Variants in ERG observed in about 807,000 individuals in gnomAD.
ERG encodes the protein transcriptional regulator ERG.
In ERG, 9 loss-of-function variants were observed where a neutral mutation model predicts 55.3. The ratio of observed to expected loss-of-function variants is 0.16; its 90% CI spans 0.10 to 0.28. The LOEUF is 0.28. ERG is among the 10% of genes least tolerant of loss of function. ERG has a pLI of 1.00. For synonymous variants in ERG, 223 were observed against 237.3 expected (o/e 0.94, Z 0.55); for missense variants, 434 against 631.6 (o/e 0.69, Z 3.35).
chr21:38,540,494 T>A (rs1029607700), intron 2 of ERG, among the ~76,000 whole-genome samples: 1 of 152,142 alleles, frequency 6.6e-6, no homozygotes, highest in Non-Finnish European at 1.5e-5. Flanking sequence ...CCCTGGCAAG[T>A]GAATTACTTA....
chr21:38,394,030 G>T (rs762356401), intron 6 of ERG, among the ~76,000 whole-genome samples: 5 of 152,118 alleles, frequency 3.3e-5, no homozygotes, highest in Non-Finnish European at 5.9e-5. Flanking sequence ...CTGCACATGG[G>T]TTCTCAGTCA....
downstream of ERG, among the ~76,000 whole-genome samples, chr21:38,376,661 C>A (rs1987251060): frequency 6.6e-6 from 1 of 152,272 alleles, no homozygotes; most frequent in Non-Finnish European, 1.5e-5. Context: ...TTGAGAGGGC[C>A]TTTCCTCTGA....
rs747304330 is a variant in ERG, at chr21:38,400,466, T to A, written c.745+108A>T. 6.7e-6 allele frequency: 6 copies of A among 891,752 alleles called. No individual in the cohort carries two copies. The East Asian group carries it at 1.2e-4, about 18-fold the overall frequency. 55.2% of individuals were successfully genotyped at this position (891,752 alleles called of 1,614,324 possible). On this transcript the variant is annotated intron_variant, in intron 6 of 9. Coordinates refer to ENST00000288319, the MANE Select transcript of ERG (RefSeq NM_182918.4). Reference sequence around the variant, plus strand: ...AGAATAAGACTGTCTGGGACTGGCTTCAGCTCCGGGATCAGCTCTCTTTGT... The same window carrying A: ...AGAATAAGACTGTCTGGGACTGGCTACAGCTCCGGGATCAGCTCTCTTTGT...
chr21:38,550,195 G>A (rs1419171556), intron 2 of ERG, among the ~76,000 whole-genome samples: 2 of 152,188 alleles, frequency 1.3e-5, no homozygotes, highest in Non-Finnish European at 2.9e-5. Context: ...AGAAGGGCCA[G>A]CCCTCCTGGG....
chr21:38,625,634 G>A (rs1231097434), intron 1 of ERG, among the ~76,000 whole-genome samples: 5 of 152,158 alleles, frequency 3.3e-5, no homozygotes, highest in Non-Finnish European at 5.9e-5. Flanking sequence ...AAACTTGAAC[G>A]CAGAGCCTGG....
At chr21:38,546,964 G>C (rs575595641) in intron 2 of ERG, among the ~76,000 whole-genome samples, 1 of 152,304 alleles carries the variant, frequency 6.6e-6, no homozygotes, top group East Asian at 1.9e-4. Flanking sequence ...CATGTTTGTG[G>C]GTGGGTGTAT....
chr21:38,461,757 C>T (rs962575765), intron 1 of ERG, among the ~76,000 whole-genome samples: 1 of 152,214 alleles, frequency 6.6e-6, no homozygotes, highest in Non-Finnish European at 1.5e-5. Context: ...AATAGAGTTA[C>T]TTTTCATAAA....
intron 1 of ERG, among the ~76,000 whole-genome samples, chr21:38,626,350 G>C (rs2060324723): frequency 6.6e-6 from 1 of 152,226 alleles, no homozygotes; most frequent in Non-Finnish European, 1.5e-5. Context: ...GTGCCATTTT[G>C]CAAAATGTTG....
At chr21:38,480,591 C>CTTGTTTTT (rs2059228949) in intron 1 of ERG, among the ~76,000 whole-genome samples, 1 of 51,112 alleles carries the variant, frequency 2.0e-5, no homozygotes, top group African/African-American at 7.8e-5. Flanking sequence ...ACTATATGGC[C>CTTGTTTTT]TTTTTTTTTT....
chr21:38,601,054 C>T (rs890200728), intron 1 of ERG, among the ~76,000 whole-genome samples: 1 of 152,234 alleles, frequency 6.6e-6, no homozygotes, highest in African/African-American at 2.4e-5. Context: ...AGGGTTATCA[C>T]CTCCACCAGT....
rs139418205 is a variant in ERG, at chr21:38,613,489, C to T, written c.-149-28544G>A. On this transcript the variant is annotated intron_variant, in intron 1 of 10. Coordinates refer to the ERG transcript ENST00000398910. The stretch of plus-strand genomic sequence containing the variant: ...TTTCCTTTGTTTGCAGTAGGTTGTT[C>T]ATCGTTTTCATGAGAACATAAGGGC... 2.8e-3 allele frequency among the ~76,000 whole-genome samples: 433 copies of T among 152,296 alleles called. 5 individuals are homozygous for T. The highest frequency in any genetic ancestry group is 0.01 in the African/African-American group (419 of 41,574).
chr21:38,595,591 C>T (rs956292880), intron 1 of ERG, among the ~76,000 whole-genome samples: 2 of 152,290 alleles, frequency 1.3e-5, no homozygotes, highest in Non-Finnish European at 2.9e-5. Flanking sequence ...GGGGCCACCT[C>T]AGAGCAGAAG....
intron 2 of ERG, among the ~76,000 whole-genome samples, chr21:38,542,935 C>T (rs554064471): frequency 2.4e-4 from 37 of 152,218 alleles, no homozygotes; most frequent in African/African-American, 7.2e-4. Flanking sequence ...ATTCTTTAGA[C>T]GACAGCCATC....
At chr21:38,397,883 C>A (rs1988304795) in intron 6 of ERG, among the ~76,000 whole-genome samples, 1 of 152,144 alleles carries the variant, frequency 6.6e-6, no homozygotes, top group South Asian at 2.1e-4. Context: ...GAGACAGATT[C>A]TGGTCTAAGT....
At chr21:38,463,789 T>C (rs546939436) in intron 1 of ERG, among the ~76,000 whole-genome samples, 2 of 152,344 alleles carry the variant, frequency 1.3e-5, no homozygotes, top group African/African-American at 4.8e-5. Context: ...GAAATTCCCA[T>C]TGGATCCATA....
intron 2 of ERG, among the ~76,000 whole-genome samples, chr21:38,433,887 A>G (rs1375550215): frequency 6.6e-6 from 1 of 152,082 alleles, no homozygotes; most frequent in South Asian, 2.1e-4. Flanking sequence ...AAATCTACCT[A>G]TTCTTCTAGA....
intron 1 of ERG, among the ~76,000 whole-genome samples, chr21:38,623,698 G>A (rs1418679554): frequency 1.3e-5 from 2 of 152,146 alleles, no homozygotes; most frequent in Non-Finnish European, 2.9e-5. Flanking sequence ...AAACACCTAA[G>A]TTGCTCAGCA....
intron 3 of ERG, among the ~76,000 whole-genome samples, chr21:38,406,406 C>T (rs1355901831): frequency 6.6e-6 from 1 of 152,124 alleles, no homozygotes; most frequent in East Asian, 1.9e-4. Flanking sequence ...GAGAATTTGG[C>T]TTTCAGAGAT....
chr21:38,402,527 G>C lies in ERG; in HGVS notation c.673+30C>G, dbSNP rs1234749596. On this transcript the variant is annotated intron_variant, in intron 5 of 9. Coordinates refer to ENST00000288319, the MANE Select transcript of ERG (RefSeq NM_182918.4). ...CCTGTACGTAAGACCCTACGCTCTT[G>C]CTGGGAGGCAGGGGCGGGGCCAGCA... 3.0e-5 allele frequency: 47 copies of C among 1,571,394 alleles called. No homozygotes were observed. The East Asian group carries it at 1.1e-3, about 35-fold the overall frequency.
Sources: allele counts gnomAD v4.1 joint callset (sites outside exome capture counted in the v4.1 genomes callset), GRCh38; gene constraint gnomAD v4.1.1; transcripts MANE v1.5; gene names NCBI Gene and HGNC (gene_info 2026-07-23, HGNC 2026-07-21).